Variants in TRIOBP observed in about 807,000 individuals in gnomAD.
The protein encoded by TRIOBP is TRIO and F-actin-binding protein.
Under a neutral mutation model 238.8 loss-of-function variants are expected in TRIOBP, and 169 were observed. The observed-to-expected ratio is 0.71, with a 90% confidence interval of 0.62 to 0.80. The LOEUF (loss-of-function observed/expected upper bound fraction) is 0.80. Ranked by LOEUF, TRIOBP falls within the 30% of genes least tolerant of loss-of-function variation. The pLI, the probability that TRIOBP is intolerant of heterozygous loss-of-function variation, is 0.00. For synonymous variants in TRIOBP, 1,150 were observed against 1,274.4 expected, an observed-to-expected ratio of 0.90 and a Z score of 2.08; for missense variants, 2,838 against 3,122.6, an observed-to-expected ratio of 0.91 and a Z score of 2.17.
At position 37,765,685 on chromosome 22, in the gene TRIOBP, A is replaced by G; in HGVS notation, c.6340A>G (p.Ser2114Gly). The G allele has an allele frequency of 6.4e-7, 1 of 1,551,334 alleles. No homozygotes were observed. Among genetic ancestry groups the G allele is most frequent in the African/African-American group, 1.4e-5 (1 of 73,174 alleles). Reference protein sequence around the residue: ...GYISQEACERSLAEMESSHQQ... With the variant: ...GYISQEACERGLAEMESSHQQ... ...CGGCCCACAGGAGGCATGTGAGCGC[A>G]GCCTGGCAGAGATGGAGTCCTCGCA... Residue 2114 changes from serine to glycine, a missense_variant, in exon 18 of 24, where the codon AGC becomes GGC. Physicochemically the swap from Ser to Gly is moderately conservative, Grantham distance 56. This residue lies in a region of TRIOBP where 2,096 missense variants were observed against 2,137.4 expected (regional missense o/e 0.98). Transcript: ENST00000644935.
At chr22:37,762,007 G>A (rs1227004047) in intron 17 of TRIOBP, among the ~76,000 whole-genome samples, 1 of 152,064 alleles carries the variant, frequency 6.6e-6, no homozygotes, top group Non-Finnish European at 1.5e-5. Flanking sequence ...TTTCTGGGTG[G>A]GTGGGGCTGG....
In TRIOBP at chr22:37,701,561, G is replaced by C. The variant is rs944341629; in HGVS notation, c.114+82G>C. On this transcript the variant is annotated intron_variant, in intron 3 of 23. Coordinates refer to ENST00000644935, the MANE Select transcript of TRIOBP (RefSeq NM_001039141.3). Reference sequence around the variant, plus strand: ...CTGGGCCTGTGGTGTCCGCTAACTCGCAGTTGAACCCAGATGCTGGACTTC... The same window carrying C: ...CTGGGCCTGTGGTGTCCGCTAACTCCCAGTTGAACCCAGATGCTGGACTTC... 6 of 1,007,310 alleles carry C rather than the reference G, an allele frequency of 6.0e-6. No individual in the cohort carries two copies. In the African/African-American group the frequency reaches 9.5e-5, roughly 16 times the overall value. 62.4% of individuals were successfully genotyped at this position (1,007,310 alleles called of 1,614,324 possible).
intron 17 of TRIOBP, among the ~76,000 whole-genome samples, chr22:37,765,002 G>A (rs1433022972): frequency 6.6e-6 from 1 of 152,188 alleles, no homozygotes; most frequent in Non-Finnish European, 1.5e-5. Context: ...AACATTCCAG[G>A]CCGGGCACAG....
In TRIOBP at chr22:37,735,289, G is replaced by C; in HGVS notation, c.4953G>C (p.Pro1651=). 1 of 1,610,582 alleles carries C rather than the reference G, an allele frequency of 6.2e-7. No homozygotes were observed. Among genetic ancestry groups the C allele is most frequent in the Non-Finnish European group, 8.5e-7 (1 of 1,177,606 alleles). The change falls in exon 9 of 24, where the codon CCG becomes CCC. Residue 1651 remains proline (P), a synonymous_variant. Transcript: ENST00000644935. ...GCCCCGCACTGCAGTCCCAGAGCCC[G>C]GTCCAGCTGCCCAGCCCTGCCTGCA... ...GHSPALQSQS[P]VQLPSPACTS...
rs182214887 is a variant in TRIOBP, at chr22:37,754,863, C to T, written c.5380-14C>T. 327 of 1,613,284 alleles carry T rather than the reference C, an allele frequency of 2.0e-4. 2 individuals carry two copies. In the African/African-American group the frequency reaches 3.9e-3, roughly 19 times the overall value. ...ATCACACACACTGGCTCTTTCATTC[C>T]ATCCTCCTTGCAGCCTCCCTCCCCC... On this transcript the variant is annotated splice_polypyrimidine_tract_variant and intron_variant, in intron 12 of 23. Transcript: ENST00000644935.
At chr22:37,762,748 C>G (rs977327858) in intron 17 of TRIOBP, among the ~76,000 whole-genome samples, 8 of 152,078 alleles carry the variant, frequency 5.3e-5, no homozygotes. Flanking sequence ...CCCTCAGGCA[C>G]GGGAGGAGGC....
In TRIOBP at chr22:37,725,862, A is replaced by G. The variant is rs759177089; in HGVS notation, c.3306A>G (p.Gln1102=). The G allele has an allele frequency of 9.4e-6, 15 of 1,596,296 alleles. No homozygotes were observed. Among genetic ancestry groups the G allele is most frequent in the South Asian group, 4.4e-5 (4 of 90,338 alleles). The change falls in exon 7 of 24, where the codon CAA becomes CAG. Residue 1102 remains glutamine (Q), a synonymous_variant. Transcript: ENST00000644935. ...SDAEHQCQSP[Q]HEPLQLPAPV... Reference sequence around the variant, plus strand: ...CCGAGCATCAGTGTCAGTCCCCCCAACACGAGCCCCTTCAGCTCCCTGCAC... The same window carrying G: ...CCGAGCATCAGTGTCAGTCCCCCCAGCACGAGCCCCTTCAGCTCCCTGCAC...
In TRIOBP at chr22:37,754,869, C is replaced by T; in HGVS notation, c.5380-8C>T. On this transcript the variant is annotated splice_polypyrimidine_tract_variant and splice_region_variant and intron_variant, in intron 12 of 23. Coordinates refer to ENST00000644935, the MANE Select transcript of TRIOBP (RefSeq NM_001039141.3). Reference sequence around the variant, plus strand: ...CACACTGGCTCTTTCATTCCATCCTCCTTGCAGCCTCCCTCCCCCTCGCTC... The same window carrying T: ...CACACTGGCTCTTTCATTCCATCCTTCTTGCAGCCTCCCTCCCCCTCGCTC... The T allele has an allele frequency of 5.0e-6, 8 of 1,613,930 alleles. No individual in the cohort carries two copies. The highest frequency in any genetic ancestry group is 6.8e-6 in the Non-Finnish European group (8 of 1,179,844).
At chr22:37,756,410 G>C (rs1245274878) in intron 15 of TRIOBP, among the ~76,000 whole-genome samples, 1 of 152,206 alleles carries the variant, frequency 6.6e-6, no homozygotes, top group East Asian at 1.9e-4. Context: ...CGGCTATTCA[G>C]CCTTAGGCCA....
chr22:37,705,122 C>G (rs1048398591), intron 3 of TRIOBP, among the ~76,000 whole-genome samples: 1 of 151,540 alleles, frequency 6.6e-6, no homozygotes, highest in African/African-American at 2.4e-5. Flanking sequence ...TGCCTGTAAT[C>G]TCAGCACTTT....
intron 3 of TRIOBP, among the ~76,000 whole-genome samples, chr22:37,708,445 G>C (rs932075723): frequency 6.6e-6 from 1 of 152,168 alleles, no homozygotes; most frequent in African/African-American, 2.4e-5. Context: ...CAGCTACTGG[G>C]GTGGCTGAGG....
chr22:37,718,106 G>C (rs1187589774), intron 6 of TRIOBP, among the ~76,000 whole-genome samples: 1 of 152,162 alleles, frequency 6.6e-6, no homozygotes, highest in African/African-American at 2.4e-5. Flanking sequence ...CATTGCCCGG[G>C]GCCGGCAGGG....
In TRIOBP at chr22:37,775,186, C is replaced by T. The variant is rs1338476731; in HGVS notation, c.*1406C>T. 6.6e-6 allele frequency: 1 copy of T among 152,158 alleles called. No individual in the cohort carries two copies. The highest frequency in any genetic ancestry group is 1.9e-4 in the East Asian group (1 of 5,184). 9.4% of individuals were successfully genotyped at this position (152,158 alleles called of 1,614,324 possible). A position where few individuals can be genotyped will look rare whatever the true frequency, so the allele number is the denominator to read the frequency against. On this transcript the variant is annotated 3_prime_UTR_variant, in exon 24 of 24. Transcript: ENST00000644935. ...GTGAGAACCCAGAGGAGACCCTGAC[C>T]CAGCCTGCAGGTAGAAGACTGCCTT...
At chr22:37,765,123 A>G (rs894015461) in intron 17 of TRIOBP, among the ~76,000 whole-genome samples, 4 of 152,176 alleles carry the variant, frequency 2.6e-5, no homozygotes, top group Non-Finnish European at 5.9e-5. Flanking sequence ...TCTACTAAAA[A>G]TACAAAAATT....
At chr22:37,755,475 C>G in intron 14 of TRIOBP, 75 bp from the exon 15 acceptor site, 1 of 1,384,322 alleles carries the variant, frequency 7.2e-7, no homozygotes, top group Non-Finnish European at 1.0e-6. Context: ...AAGGGCCACC[C>G]TCCCTGGGGT....
intron 10 of TRIOBP, 27 bp from the exon 11 acceptor site, chr22:37,740,868 G>A: frequency 6.4e-7 from 1 of 1,561,684 alleles, no homozygotes; most frequent in Non-Finnish European, 8.7e-7. Context: ...AAGGGACCTG[G>A]GGCCAACACT....
chr22:37,701,506 G>T (rs1569030400), intron 3 of TRIOBP, 27 bp downstream of exon 3: 8 of 1,565,906 alleles, frequency 5.1e-6, no homozygotes, highest in South Asian at 1.1e-5. Flanking sequence ...CGTGGTTGGG[G>T]TGGTTTGTGA....
At chr22:37,720,224 G>T (rs2145829344) in intron 6 of TRIOBP, among the ~76,000 whole-genome samples, 1 of 151,960 alleles carries the variant, frequency 6.6e-6, no homozygotes. Context: ...GGTCAGGCTG[G>T]TCTCGAACTC....
rs766501268 is a variant in TRIOBP, at chr22:37,735,226, A to T, written c.4890A>T (p.Pro1630=). Residue 1630 remains proline, a synonymous_variant, in exon 9 of 24, where the codon CCA becomes CCT. Coordinates refer to ENST00000644935, the MANE Select transcript of TRIOBP (RefSeq NM_001039141.3). ...DVPEQESHSQ[P]EGWAEATPVN... The stretch of plus-strand genomic sequence containing the variant: ...CTGAGCAGGAGTCACACAGCCAGCC[A>T]GAAGGCTGGGCCGAGGCCACCCCAG... 1 of 1,606,292 alleles carries T rather than the reference A, an allele frequency of 6.2e-7. No individual in the cohort carries two copies. The highest frequency in any genetic ancestry group is 1.1e-5 in the South Asian group (1 of 90,890).
Sources: gnomAD v4.1 joint callset for allele counts (sites outside exome capture counted in the v4.1 genomes callset) on GRCh38, gnomAD v4.1.1 for gene constraint, gnomAD v4.1.1 regional missense constraint, MANE v1.5 for transcripts, NCBI Gene and HGNC (gene_info 2026-07-23, HGNC 2026-07-21) for gene names.